ELMO1: variants seen among roughly 807,000 people sequenced by gnomAD.
ELMO1 encodes engulfment and cell motility 1, also known as engulfment and cell motility protein 1.
In ELMO1, 26 loss-of-function variants were observed where a neutral mutation model predicts 98.9. The observed-to-expected ratio is 0.26, with a 90% confidence interval of 0.19 to 0.36. The LOEUF (loss-of-function observed/expected upper bound fraction) is 0.36. Ranked by LOEUF, ELMO1 falls within the 10% of genes least tolerant of loss-of-function variation. ELMO1 has a pLI of 1.00. For synonymous variants in ELMO1, 346 were observed against 346.0 expected (o/e 1.00, Z 0.00); for missense variants, 627 against 935.2 (o/e 0.67, Z 4.30).
chr7:37,084,135 T>A (rs1464482418), intron 15 of ELMO1, among the ~76,000 whole-genome samples: 5 of 152,238 alleles, frequency 3.3e-5, no homozygotes, highest in East Asian at 1.9e-4. Context: ...TAATTCAAAT[T>A]TGGACTCAGT....
At chr7:37,422,135 A>C (rs775612879) in intron 1 of ELMO1, among the ~76,000 whole-genome samples, 2 of 152,236 alleles carry the variant, frequency 1.3e-5, no homozygotes, top group Non-Finnish European at 2.9e-5. Flanking sequence ...TCCCAGGATA[A>C]GAAAATTAGC....
At chr7:37,399,824 A>C (rs1438569544) in intron 1 of ELMO1, among the ~76,000 whole-genome samples, 2 of 152,194 alleles carry the variant, frequency 1.3e-5, no homozygotes, top group African/African-American at 4.8e-5. Flanking sequence ...TGGGAGTAAT[A>C]CTATAGCTCC....
chr7:37,330,845 A>C (rs1161710360), intron 2 of ELMO1, among the ~76,000 whole-genome samples: 1 of 152,182 alleles, frequency 6.6e-6, no homozygotes, highest in Non-Finnish European at 1.5e-5. Flanking sequence ...CAGCATCACT[A>C]GTCTTACATT....
chr7:37,380,375 T>C (rs965321604), intron 1 of ELMO1, among the ~76,000 whole-genome samples: 1 of 152,214 alleles, frequency 6.6e-6, no homozygotes, highest in Non-Finnish European at 1.5e-5. Context: ...TTTCCCAGTA[T>C]AGTACCTGGC....
At chr7:37,429,019 GGTTGTTGTTGTTGTT>G (rs67631888) in intron 1 of ELMO1, among the ~76,000 whole-genome samples, 10 of 151,212 alleles carry the variant, frequency 6.6e-5, no homozygotes, top group South Asian at 2.1e-4. Context: ...ACGTACTGCA[GGTTGTTGTTGTTGTT>G]GTTGTTGTTG....
intron 15 of ELMO1, among the ~76,000 whole-genome samples, chr7:37,023,246 A>C (rs903625519): frequency 2.6e-5 from 4 of 152,164 alleles, no homozygotes; most frequent in African/African-American, 9.7e-5. Context: ...GGATTTGAAC[A>C]CCTCTATGTA....
chr7:37,185,759 A>G (rs4562207), intron 13 of ELMO1, among the ~76,000 whole-genome samples: 81,319 of 152,030 alleles, frequency 0.53, 22,976 homozygotes, highest in East Asian at 0.68. Flanking sequence ...GATAAAGTAC[A>G]AAATTTATAT....
At chr7:36,915,987 G>C (rs1331360799) in intron 16 of ELMO1, among the ~76,000 whole-genome samples, 1 of 152,186 alleles carries the variant, frequency 6.6e-6, no homozygotes, top group Non-Finnish European at 1.5e-5. Context: ...CAGTGGTATG[G>C]GAGCTGGCGA....
At position 36,878,032 on chromosome 7, in the gene ELMO1, G is replaced by C. The variant is rs1161305781; in HGVS notation, c.1800C>G (p.Pro600=). Residue 600 remains proline (P), a synonymous_variant, in exon 19 of 22, where the codon CCC becomes CCG. Transcript: ENST00000310758. ...TACGTTTGTCCTGCAAGGAATCGTGGGGCACTTCTCCCTGAGGACTCTCTT... is the reference window on the plus strand; with the variant it reads ...TACGTTTGTCCTGCAAGGAATCGTGCGGCACTTCTCCCTGAGGACTCTCTT... ...DLEESPQGEV[P]HDSLQDKLPV... is the part of the protein sequence containing the mutation. 6 of 1,613,860 alleles carry C rather than the reference G, an allele frequency of 3.7e-6. No individual in the cohort carries two copies. Among genetic ancestry groups the C allele is most frequent in the Non-Finnish European group, 5.1e-6 (6 of 1,179,916 alleles).
chr7:36,896,633 G>A (rs1404524132), intron 16 of ELMO1, among the ~76,000 whole-genome samples: 3 of 152,236 alleles, frequency 2.0e-5, no homozygotes, highest in East Asian at 3.9e-4. Context: ...ATGTCATACA[G>A]GCAAATTTCC....
intron 15 of ELMO1, among the ~76,000 whole-genome samples, chr7:37,050,106 T>A (rs913363868): frequency 6.6e-6 from 1 of 151,546 alleles, no homozygotes; most frequent in Non-Finnish European, 1.5e-5. Context: ...TGAGACAGAG[T>A]CTTGCCCTGT....
chr7:37,183,112 G>A (rs1186986517), intron 13 of ELMO1, among the ~76,000 whole-genome samples: 2 of 152,280 alleles, frequency 1.3e-5, no homozygotes, highest in Non-Finnish European at 2.9e-5. Context: ...AATGGAAATA[G>A]TTTAGGAGCA....
intron 1 of ELMO1, among the ~76,000 whole-genome samples, chr7:37,444,743 T>A (rs1236238073): frequency 6.6e-6 from 1 of 152,172 alleles, no homozygotes; most frequent in Admixed American, 6.5e-5. Context: ...CTGGATCTCC[T>A]GACCTCGCAA....
At chr7:37,335,480 A>G (rs1234192437) in intron 2 of ELMO1, among the ~76,000 whole-genome samples, 1 of 152,228 alleles carries the variant, frequency 6.6e-6, no homozygotes, top group Non-Finnish European at 1.5e-5. Flanking sequence ...TATGAAAAAT[A>G]TGGAAGGATG....
intron 15 of ELMO1, among the ~76,000 whole-genome samples, chr7:37,090,057 G>C (rs947299300): frequency 6.6e-6 from 1 of 152,208 alleles, no homozygotes; most frequent in African/African-American, 2.4e-5. Flanking sequence ...TCCACCGGAA[G>C]AGATGGCCTC....
intron 4 of ELMO1, among the ~76,000 whole-genome samples, chr7:37,300,942 C>T (rs986963493): frequency 6.6e-6 from 1 of 152,054 alleles, no homozygotes; most frequent in Non-Finnish European, 1.5e-5. Context: ...GCCACAATTT[C>T]AGCTCCTGTT....
intron 14 of ELMO1, among the ~76,000 whole-genome samples, chr7:37,108,250 C>A (rs1418072582): frequency 1.3e-5 from 2 of 152,160 alleles, no homozygotes; most frequent in Non-Finnish European, 2.9e-5. Flanking sequence ...GGAAGGATCT[C>A]CCTCTGGTAC....
chr7:37,036,915 A>G (rs1414282205), intron 15 of ELMO1, among the ~76,000 whole-genome samples: 2 of 152,242 alleles, frequency 1.3e-5, no homozygotes, highest in Non-Finnish European at 2.9e-5. Flanking sequence ...TTTATGTGGA[A>G]GAGAAGATAA....
intron 16 of ELMO1, among the ~76,000 whole-genome samples, chr7:37,011,519 C>A (rs894683728): frequency 1.3e-5 from 2 of 152,212 alleles, no homozygotes; most frequent in African/African-American, 4.8e-5. Context: ...GTGCCTAGAT[C>A]AACAACAATA....
Sources: gnomAD v4.1 joint callset for allele counts (sites outside exome capture counted in the v4.1 genomes callset) on GRCh38, gnomAD v4.1.1 for gene constraint, MANE v1.5 for transcripts, NCBI Gene and HGNC (gene_info 2026-07-23, HGNC 2026-07-21) for gene names.